NAV3: variants seen among roughly 807,000 people sequenced by gnomAD.
NAV3 encodes the protein neuron navigator 3.
In NAV3, 87 loss-of-function variants were observed where a neutral mutation model predicts 244.7. The observed-to-expected ratio is 0.36, with a 90% CI of 0.30 to 0.42. The LOEUF is 0.42. NAV3 is among the 20% of genes least tolerant of loss of function. The pLI is 1.00. For synonymous variants in NAV3, 1,126 were observed against 1,042.2 expected, an observed-to-expected ratio of 1.08 and a Z score of -1.55; for missense variants, 2,663 against 2,893.3, an observed-to-expected ratio of 0.92 and a Z score of 1.83.
chr12:77,873,691 A>G (rs1160535647), intron 1 of NAV3, among the ~76,000 whole-genome samples: 5 of 100,672 alleles, frequency 5.0e-5, no homozygotes, highest in East Asian at 6.9e-4. Flanking sequence ...ATATATATAT[A>G]TATATATATA....
chr12:77,815,863 T>G (rs118035496), intron 2 of NAV3, among the ~76,000 whole-genome samples: 2,009 of 152,280 alleles, frequency 0.013, 19 homozygotes, highest in South Asian at 0.025. Context: ...ACCTAATGCC[T>G]AAAGAAAACT....
intron 23 of NAV3, among the ~76,000 whole-genome samples, chr12:78,162,911 T>TA (rs1565744306): frequency 1.2e-4 from 15 of 129,580 alleles, no homozygotes; most frequent in Non-Finnish European, 2.3e-4. Context: ...TAAATATATA[T>TA]ATTATATAAT....
chr12:77,804,920 T>C (rs1871895057), intron 2 of NAV3, among the ~76,000 whole-genome samples: 1 of 152,202 alleles, frequency 6.6e-6, no homozygotes, highest in Non-Finnish European at 1.5e-5. Flanking sequence ...AGGTATTTTA[T>C]TCTCTTTGTG....
At chr12:77,976,665 TC>T (rs199999770) in intron 5 of NAV3, among the ~76,000 whole-genome samples, 35,193 of 99,626 alleles carry the variant, frequency 0.35, 6,730 homozygotes, top group Non-Finnish European at 0.41. Flanking sequence ...TTTCTTTCTT[TC>T]TTTTTTTCTT....
At chr12:78,165,974 A>T (rs957561869) in intron 23 of NAV3, among the ~76,000 whole-genome samples, 2 of 151,496 alleles carry the variant, frequency 1.3e-5, no homozygotes, top group African/African-American at 4.8e-5. Flanking sequence ...CCTGCAAAAA[A>T]AAAAAATACG....
chr12:77,965,487 C>T (rs983688753), intron 3 of NAV3, among the ~76,000 whole-genome samples: 4 of 152,132 alleles, frequency 2.6e-5, no homozygotes, highest in Non-Finnish European at 5.9e-5. Context: ...GGCGTGGTGG[C>T]GTGCGCCTGT....
At chr12:77,678,584 T>C (rs1317445168) in intron 2 of NAV3, among the ~76,000 whole-genome samples, 1 of 152,202 alleles carries the variant, frequency 6.6e-6, no homozygotes, top group Non-Finnish European at 1.5e-5. Flanking sequence ...TTCTGCGGAA[T>C]GCTAGCTGGT....
At chr12:78,076,370 C>T (rs996408185) in intron 12 of NAV3, among the ~76,000 whole-genome samples, 8 of 152,086 alleles carry the variant, frequency 5.3e-5, no homozygotes, top group Non-Finnish European at 8.8e-5. Flanking sequence ...TTTCTCTGTG[C>T]GCTAGTTGTG....
chr12:77,813,444 G>A (rs1390500640), intron 2 of NAV3, among the ~76,000 whole-genome samples: 1 of 152,044 alleles, frequency 6.6e-6, no homozygotes, highest in East Asian at 1.9e-4. Context: ...AGCAAATCTG[G>A]AATTGATCTT....
chr12:77,598,655 C>A (rs748984780), intron 2 of NAV3, among the ~76,000 whole-genome samples: 2 of 151,684 alleles, frequency 1.3e-5, no homozygotes, highest in African/African-American at 4.8e-5. Context: ...TGGATACACC[C>A]GGGAAACCAT....
At chr12:78,127,947 A>C (rs1254133030) in intron 17 of NAV3, among the ~76,000 whole-genome samples, 1 of 152,182 alleles carries the variant, frequency 6.6e-6, no homozygotes, top group Non-Finnish European at 1.5e-5. Flanking sequence ...TCTGAGGAAG[A>C]GATAGAATGA....
chr12:77,742,558 A>C (rs1463989190), intron 2 of NAV3, among the ~76,000 whole-genome samples: 2 of 152,122 alleles, frequency 1.3e-5, no homozygotes, highest in African/African-American at 4.8e-5. Flanking sequence ...AAATATATGT[A>C]GATACTAGTC....
intron 12 of NAV3, among the ~76,000 whole-genome samples, chr12:78,093,897 T>C (rs2138073083): frequency 6.6e-6 from 1 of 152,272 alleles, no homozygotes; most frequent in Admixed American, 6.5e-5. Flanking sequence ...TAGAGTACAG[T>C]GGTACAATCA....
At chr12:78,115,826 C>T (rs913594953) in intron 12 of NAV3, among the ~76,000 whole-genome samples, 1 of 152,226 alleles carries the variant, frequency 6.6e-6, no homozygotes, top group African/African-American at 2.4e-5. Context: ...TAGGTTATAC[C>T]ATCTAGGTTT....
chr12:77,705,334 C>T (rs1216256698), intron 2 of NAV3, among the ~76,000 whole-genome samples: 4 of 151,272 alleles, frequency 2.6e-5, no homozygotes, highest in African/African-American at 4.9e-5. Flanking sequence ...GCACAAGAAT[C>T]GCTTGAATCC....
intron 34 of NAV3, among the ~76,000 whole-genome samples, chr12:78,195,604 T>A (rs773086329): frequency 6.6e-6 from 1 of 151,998 alleles, no homozygotes. Flanking sequence ...CCAGTTGGAA[T>A]TAATCTCTTT....
chr12:77,636,464 CAAAAA>C (rs372405959), intron 2 of NAV3, among the ~76,000 whole-genome samples: 2 of 76,748 alleles, frequency 2.6e-5, no homozygotes, highest in Non-Finnish European at 3.0e-5. Context: ...GACACCGTCT[CAAAAA>C]AAAAAAAAAA....
At chr12:78,188,586 A>G (rs1486952545) in intron 32 of NAV3, 23 bp from the exon 33 acceptor site, 1 of 1,602,414 alleles carries the variant, frequency 6.2e-7, no homozygotes, top group African/African-American at 1.3e-5. Flanking sequence ...TTTTGATTTT[A>G]TTTTTTGTGT....
chr12:78,131,608 T>G (rs887960754), intron 18 of NAV3, among the ~76,000 whole-genome samples: 8 of 152,164 alleles, frequency 5.3e-5, no homozygotes, highest in African/African-American at 1.9e-4. Flanking sequence ...AGTTGACTCC[T>G]TCTTCTATTT....
Sources: allele counts gnomAD v4.1 joint callset (sites outside exome capture counted in the v4.1 genomes callset), GRCh38; gene constraint gnomAD v4.1.1; transcripts MANE v1.5; gene names NCBI Gene and HGNC (gene_info 2026-07-23, HGNC 2026-07-21).